CPQ: variants seen among roughly 807,000 people sequenced by gnomAD.
CPQ encodes Ser-Met dipeptidase.
CPQ carries 37 observed loss-of-function variants against 45.7 expected under a neutral mutation model. The observed-to-expected ratio is 0.81, with a 90% CI of 0.62 to 1.07. CPQ has a LOEUF of 1.07. Among genes scored for constraint, CPQ ranks in the 50% least tolerant of loss-of-function variants. The pLI is 0.00. For synonymous variants in CPQ, 186 were observed against 205.8 expected, an observed-to-expected ratio of 0.90 and a Z score of 0.82; for missense variants, 537 against 572.9, an observed-to-expected ratio of 0.94 and a Z score of 0.64.
At chr8:96,860,463 G>A (rs1274383724) in intron 3 of CPQ, among the ~76,000 whole-genome samples, 1 of 152,138 alleles carries the variant, frequency 6.6e-6, no homozygotes, top group Non-Finnish European at 1.5e-5. Flanking sequence ...GGTTCACTCA[G>A]TGTATTTGAA....
At chr8:96,922,888 T>C (rs965435146) in intron 4 of CPQ, among the ~76,000 whole-genome samples, 12 of 152,072 alleles carry the variant, frequency 7.9e-5, no homozygotes, top group Non-Finnish European at 1.8e-4. Context: ...TTGACCATTG[T>C]GGTGTGCAGT....
rs1025499684 is a variant in CPQ, at chr8:96,730,874, T to C, written c.-34-53990T>C. Among the ~76,000 whole-genome samples the C allele has an allele frequency of 1.4e-3, 174 of 120,486 alleles. 8 individuals carry two copies. The East Asian group carries it at 0.015, about 10-fold the overall frequency. The allele number at this position is 120,486 out of a possible 152,430, so 79.0% of individuals were successfully genotyped here. ...TCAATTAACCATACATACATATATA[T>C]ATATATATATATATATATGCATTTT... On this transcript the variant is annotated intron_variant, in intron 1 of 7. Transcript: ENST00000220763.
At chr8:96,843,521 T>C (rs1262547846) in intron 3 of CPQ, among the ~76,000 whole-genome samples, 1 of 152,198 alleles carries the variant, frequency 6.6e-6, no homozygotes, top group Non-Finnish European at 1.5e-5. Flanking sequence ...TTTAGATCTC[T>C]GTCTGTTCAG....
intron 3 of CPQ, among the ~76,000 whole-genome samples, chr8:96,866,005 A>G (rs1186462660): frequency 6.6e-6 from 1 of 152,030 alleles, no homozygotes; most frequent in African/African-American, 2.4e-5. Context: ...TTTTGGAAAG[A>G]TGAAATGGTT....
chr8:97,123,165 AATAAAATAAAAT>A (rs1811776989), intron 7 of CPQ, among the ~76,000 whole-genome samples: 1 of 123,502 alleles, frequency 8.1e-6, no homozygotes, highest in Non-Finnish European at 1.6e-5. Context: ...AATAAAATAA[AATAAAATAAAAT>A]ATAAAATAAA....
chr8:96,788,069 C>A (rs889915501), intron 2 of CPQ, among the ~76,000 whole-genome samples: 1 of 145,774 alleles, frequency 6.9e-6, no homozygotes, highest in East Asian at 2.0e-4. Context: ...TTCTTTTTTT[C>A]TTTTCTTTCT....
intron 6 of CPQ, among the ~76,000 whole-genome samples, chr8:97,063,402 A>G (rs1810585903): frequency 6.6e-6 from 1 of 152,166 alleles, no homozygotes; most frequent in Non-Finnish European, 1.5e-5. Context: ...ATAGCTTGCA[A>G]AACTTTTCTC....
intron 4 of CPQ, among the ~76,000 whole-genome samples, chr8:96,965,206 C>T (rs1320329954): frequency 1.3e-5 from 2 of 151,874 alleles, no homozygotes; most frequent in Non-Finnish European, 2.9e-5. Context: ...TTATTGTTCT[C>T]ATTTTCTCAT....
At chr8:96,926,394 T>G (rs1166593179) in intron 4 of CPQ, among the ~76,000 whole-genome samples, 2 of 152,196 alleles carry the variant, frequency 1.3e-5, no homozygotes, top group Non-Finnish European at 2.9e-5. Flanking sequence ...TTCTAACAAG[T>G]GTTTTAAATG....
intron 7 of CPQ, among the ~76,000 whole-genome samples, chr8:97,117,895 C>T (rs1811622676): frequency 6.6e-6 from 1 of 152,064 alleles, no homozygotes; most frequent in Admixed American, 6.6e-5. Flanking sequence ...TTTTAAAGTG[C>T]CAGTTAAAGC....
chr8:96,652,651 G>C (rs1244968362), intron 1 of CPQ, among the ~76,000 whole-genome samples: 1 of 151,786 alleles, frequency 6.6e-6, no homozygotes, highest in African/African-American at 2.4e-5. Context: ...TTGTTTGTTT[G>C]AGACGGAGTC....
Position 96,885,123 on chromosome 8 carries a change from C to G in CPQ, c.849+5118C>G, listed in dbSNP as rs145498885. On this transcript the variant is annotated intron_variant, in intron 4 of 7. Coordinates refer to ENST00000220763, the MANE Select transcript of CPQ (RefSeq NM_016134.4). ...TCAGAGTTCTGGAGACAGGGAAGTT[C>G]AAGAGCATGGCACCAGCAATTTGCA... 4.8e-3 allele frequency among the ~76,000 whole-genome samples: 738 copies of G among 152,224 alleles called. 2 individuals are homozygous for G. The highest frequency in any genetic ancestry group is 8.7e-3 in the Non-Finnish European group (590 of 68,010).
chr8:96,734,135 A>G (rs192958262), intron 1 of CPQ, among the ~76,000 whole-genome samples: 1 of 152,104 alleles, frequency 6.6e-6, no homozygotes, highest in Non-Finnish European at 1.5e-5. Flanking sequence ...TCCATGCCAG[A>G]AAAAGAGTTA....
rs547211977 is a variant in CPQ, at chr8:96,663,032, G to T, written c.-35+17630G>T. On this transcript the variant is annotated intron_variant, in intron 1 of 7. Transcript: ENST00000220763. ...TCAACGTTAAACTTTCTAGAGAATG[G>T]GTAATCACCTTTCAAGTCATTTTTC... 8.5e-5 allele frequency among the ~76,000 whole-genome samples: 13 copies of T among 152,222 alleles called. No individual in the cohort carries two copies. The East Asian group carries it at 1.5e-3, about 18-fold the overall frequency.
At chr8:96,914,399 T>A (rs1053069012) in intron 4 of CPQ, among the ~76,000 whole-genome samples, 2 of 152,174 alleles carry the variant, frequency 1.3e-5, no homozygotes, top group Non-Finnish European at 2.9e-5. Context: ...AGGAATCCTT[T>A]TGTGGTACTT....
chr8:96,784,858 A>T lies in CPQ; in HGVS notation c.-34-6A>T. 6.5e-7 allele frequency: 1 copy of T among 1,544,980 alleles called. No homozygotes were observed. The highest frequency in any genetic ancestry group is 8.8e-7 in the Non-Finnish European group (1 of 1,141,636). ...CCCTAAAACATAATGTTTCTTATTT[A>T]TGTAGATTATCTTAACAAGAAAACC... On this transcript the variant is annotated splice_polypyrimidine_tract_variant and splice_region_variant and intron_variant, in intron 1 of 7. Coordinates refer to ENST00000220763, the MANE Select transcript of CPQ (RefSeq NM_016134.4).
At chr8:96,888,494 G>A (rs1812332306) in intron 4 of CPQ, among the ~76,000 whole-genome samples, 2 of 152,174 alleles carry the variant, frequency 1.3e-5, no homozygotes, top group Non-Finnish European at 1.5e-5. Context: ...CTGTTAAATA[G>A]CAACAAGACG....
intron 1 of CPQ, among the ~76,000 whole-genome samples, chr8:96,768,165 C>T (rs1484131024): frequency 3.3e-5 from 5 of 152,110 alleles, no homozygotes; most frequent in African/African-American, 7.2e-5. Flanking sequence ...GTTCTTTCTC[C>T]TCAGTATAAT....
intron 4 of CPQ, among the ~76,000 whole-genome samples, chr8:96,883,124 C>T (rs982245149): frequency 6.6e-6 from 1 of 152,132 alleles, no homozygotes; most frequent in Non-Finnish European, 1.5e-5. Flanking sequence ...TTTATATCCC[C>T]GAGTAATATT....
Sources: gnomAD v4.1 joint callset for allele counts (sites outside exome capture counted in the v4.1 genomes callset) on GRCh38, gnomAD v4.1.1 for gene constraint, MANE v1.5 for transcripts, NCBI Gene and HGNC (gene_info 2026-07-23, HGNC 2026-07-21) for gene names.